Variants in ADAMTSL1 observed in about 807,000 individuals in gnomAD.
ADAMTSL1 encodes the protein ADAMTS-like protein 1.
Under a neutral mutation model 201.8 loss-of-function variants are expected in ADAMTSL1, and 126 were observed. The observed-to-expected ratio is 0.62, with a 90% confidence interval of 0.54 to 0.72. The LOEUF (loss-of-function observed/expected upper bound fraction) is 0.72, where lower values mean the gene tolerates loss of function less well. Ranked by LOEUF, ADAMTSL1 falls within the 30% of genes least tolerant of loss-of-function variation. The pLI, the probability that ADAMTSL1 is intolerant of heterozygous loss-of-function variation, is 0.00. For missense variants in ADAMTSL1, 2,679 were observed against 2,277.8 expected (o/e 1.18, Z -3.59); for synonymous variants, 1,121 against 903.4 (o/e 1.24, Z -4.32).
intron 1 of ADAMTSL1, among the ~76,000 whole-genome samples, chr9:17,964,429 G>A (rs996518776): frequency 6.6e-6 from 1 of 152,122 alleles, no homozygotes; most frequent in Non-Finnish European, 1.5e-5. Flanking sequence ...AAACAAATTA[G>A]TGGTAGCCAG....
chr9:18,024,301 T>A (rs1346026563), intron 1 of ADAMTSL1, among the ~76,000 whole-genome samples: 1 of 152,086 alleles, frequency 6.6e-6, no homozygotes, highest in Non-Finnish European at 1.5e-5. Flanking sequence ...GGTACATCTG[T>A]GGTTTTGCTA....
At chr9:18,594,723 C>T (rs1824153516) in intron 4 of ADAMTSL1, among the ~76,000 whole-genome samples, 1 of 152,226 alleles carries the variant, frequency 6.6e-6, no homozygotes, top group African/African-American at 2.4e-5. Context: ...CTCTCTGTCT[C>T]TTGAATTTCA....
At chr9:18,246,468 T>C (rs988373375) in intron 2 of ADAMTSL1, among the ~76,000 whole-genome samples, 2 of 152,138 alleles carry the variant, frequency 1.3e-5, no homozygotes, top group African/African-American at 4.8e-5. Context: ...AAACATCAGA[T>C]ACAAGAAAAG....
intron 1 of ADAMTSL1, among the ~76,000 whole-genome samples, chr9:18,017,050 G>A (rs1467131764): frequency 1.3e-5 from 2 of 151,986 alleles, no homozygotes; most frequent in Non-Finnish European, 2.9e-5. Context: ...CTGAGCACAG[G>A]CATGGACTCA....
At chr9:18,511,210 T>A (rs1818003919) in intron 2 of ADAMTSL1, among the ~76,000 whole-genome samples, 1 of 152,040 alleles carries the variant, frequency 6.6e-6, no homozygotes, top group African/African-American at 2.4e-5. Flanking sequence ...TTCTGAGACC[T>A]TTTTTACTTT....
chr9:18,789,362 GAAGTT>G (rs1277448072), intron 19 of ADAMTSL1, among the ~76,000 whole-genome samples: 3 of 152,142 alleles, frequency 2.0e-5, no homozygotes, highest in Non-Finnish European at 2.9e-5. Context: ...CTGTCACTGA[GAAGTT>G]AAGTAAATTA....
intron 14 of ADAMTSL1, among the ~76,000 whole-genome samples, chr9:18,709,875 T>C (rs745683145): frequency 6.6e-6 from 1 of 152,238 alleles, no homozygotes; most frequent in Non-Finnish European, 1.5e-5. Flanking sequence ...TGAAGCCTTG[T>C]ACCTGTTGTT....
chr9:18,333,603 A>G (rs999130512), intron 2 of ADAMTSL1, among the ~76,000 whole-genome samples: 2 of 152,218 alleles, frequency 1.3e-5, no homozygotes, highest in African/African-American at 4.8e-5. Flanking sequence ...TGAATAAATG[A>G]TAGTACAGTA....
chr9:18,399,318 T>TATATATATACAC (rs1554672314), intron 2 of ADAMTSL1, among the ~76,000 whole-genome samples: 2 of 100,796 alleles, frequency 2.0e-5, no homozygotes, highest in Non-Finnish European at 4.1e-5. Context: ...TATATATATA[T>TATATATATACAC]ATATATATAT....
intron 2 of ADAMTSL1, among the ~76,000 whole-genome samples, chr9:18,514,196 A>C (rs1331841654): frequency 6.6e-6 from 1 of 152,130 alleles, no homozygotes; most frequent in Non-Finnish European, 1.5e-5. Flanking sequence ...TCAGTGTTCA[A>C]GTCCTTCACT....
intron 2 of ADAMTSL1, among the ~76,000 whole-genome samples, chr9:18,321,611 G>A (rs1388092831): frequency 6.6e-6 from 1 of 151,922 alleles, no homozygotes; most frequent in African/African-American, 2.4e-5. Flanking sequence ...GGCTAACACA[G>A]TGAAACCACA....
At chr9:18,855,002 G>A (rs866218104) in intron 23 of ADAMTSL1, among the ~76,000 whole-genome samples, 90 of 152,128 alleles carry the variant, frequency 5.9e-4, no homozygotes, top group African/African-American at 2.1e-3. Flanking sequence ...TGCCACTGAT[G>A]CCTCTTTGAG....
intron 2 of ADAMTSL1, among the ~76,000 whole-genome samples, chr9:18,175,291 A>G (rs1468730504): frequency 2.0e-5 from 3 of 152,238 alleles, no homozygotes; most frequent in African/African-American, 7.2e-5. Flanking sequence ...TTAAATTCTT[A>G]GAGTTCTTCC....
chr9:18,901,109 C>T (rs1302684667), intron 26 of ADAMTSL1, among the ~76,000 whole-genome samples: 2 of 151,338 alleles, frequency 1.3e-5, no homozygotes, highest in Non-Finnish European at 2.9e-5. Context: ...CTTATACTGC[C>T]TGTAAGACCA....
intron 1 of ADAMTSL1, among the ~76,000 whole-genome samples, chr9:18,163,622 A>T (rs1244005663): frequency 6.6e-6 from 1 of 151,892 alleles, no homozygotes; most frequent in African/African-American, 2.4e-5. Context: ...GGATTTTGAG[A>T]TTGTACACCC....
rs887509916 is a variant in ADAMTSL1, at chr9:17,910,616, C to A, written c.87+3694C>A. On this transcript the variant is annotated intron_variant, in intron 1 of 29. Coordinates refer to the ADAMTSL1 transcript ENST00000680146. Reference sequence around the variant, plus strand: ...CTTACCACCATTCAGAGCTGCTGTCCACATGTGAGGAGCCTGATGAAACTT... The same window carrying A: ...CTTACCACCATTCAGAGCTGCTGTCAACATGTGAGGAGCCTGATGAAACTT... Among the ~76,000 whole-genome samples, 2 of 68,500 alleles carry A rather than the reference C, an allele frequency of 2.9e-5. 1 individual carries two copies. 44.9% of individuals were successfully genotyped at this position (68,500 alleles called of 152,430 possible).
intron 2 of ADAMTSL1, among the ~76,000 whole-genome samples, chr9:18,332,805 G>A (rs1835086382): frequency 1.3e-5 from 2 of 152,170 alleles, no homozygotes; most frequent in Admixed American, 1.3e-4. Flanking sequence ...AGTTCAGTAA[G>A]AGTGTGTCAG....
chr9:18,392,387 T>G (rs755402685), intron 2 of ADAMTSL1, among the ~76,000 whole-genome samples: 8 of 152,198 alleles, frequency 5.3e-5, no homozygotes, highest in Non-Finnish European at 1.2e-4. Flanking sequence ...TTAAAAAGCT[T>G]TCTATAGTTC....
Position 18,715,932 on chromosome 9 carries a change from G to A in ADAMTSL1, c.1877-5604G>A, listed in dbSNP as rs1210777356. ...GAACAGAGCCCTCAGAAATAACGCC[G>A]CATATCTACAACTATCTGATCTTTG... On this transcript the variant is annotated intron_variant, in intron 14 of 28. Transcript: ENST00000380548. 1.8e-3 allele frequency among the ~76,000 whole-genome samples: 274 copies of A among 151,458 alleles called. 1 individual carries two copies. Among genetic ancestry groups the A allele is most frequent in the African/African-American group, 6.2e-3 (257 of 41,122 alleles).
Sources: gnomAD v4.1 joint callset for allele counts (sites outside exome capture counted in the v4.1 genomes callset) on GRCh38, gnomAD v4.1.1 for gene constraint, MANE v1.5 for transcripts, NCBI Gene and HGNC (gene_info 2026-07-23, HGNC 2026-07-21) for gene names.